MORC1: variants seen among roughly 807,000 people sequenced by gnomAD.
MORC1 encodes the protein MORC family CW-type zinc finger 1.
A neutral mutation model predicts 134.9 loss-of-function variants in MORC1; 59 were observed. That is an observed-to-expected ratio of 0.44 (90% CI 0.35 to 0.54). The LOEUF is 0.54. MORC1 is among the 20% of genes least tolerant of loss of function. MORC1 has a pLI of 0.00. For missense variants in MORC1, 947 were observed against 1,134.5 expected (o/e 0.83, Z 2.37); for synonymous variants, 395 against 391.7 (o/e 1.01, Z -0.10).
At chr3:108,996,575 T>C (rs1319312464) in intron 21 of MORC1, among the ~76,000 whole-genome samples, 1 of 152,212 alleles carries the variant, frequency 6.6e-6, no homozygotes, top group Non-Finnish European at 1.5e-5. Flanking sequence ...AGAAAATGCC[T>C]GGAGCTTTAA....
intron 17 of MORC1, among the ~76,000 whole-genome samples, chr3:109,018,055 A>G (rs1033634659): frequency 6.6e-6 from 1 of 152,150 alleles, no homozygotes; most frequent in Non-Finnish European, 1.5e-5. Context: ...CACCAGACCA[A>G]GAGATTCTTG....
At chr3:109,117,429 T>C (rs1951297516) in intron 1 of MORC1, among the ~76,000 whole-genome samples, 1 of 151,116 alleles carries the variant, frequency 6.6e-6, no homozygotes, top group African/African-American at 2.4e-5. Flanking sequence ...GTATGGGAAA[T>C]GGCAGATGAG....
chr3:109,051,823 C>T (rs3804677), intron 14 of MORC1, among the ~76,000 whole-genome samples: 18,071 of 151,830 alleles, frequency 0.12, 1,157 homozygotes, highest in Non-Finnish European at 0.14. Flanking sequence ...GGAGTGGGGG[C>T]TAGCAAATGA....
At position 109,093,453 on chromosome 3, in the gene MORC1, C is replaced by T. The variant is rs774339312; in HGVS notation, c.672G>A (p.Met224Ile). The change falls in exon 8 of 28, where the codon ATG (methionine) becomes ATA (isoleucine). Residue 224 changes from methionine (M) to isoleucine (I), a missense_variant. Physicochemically the swap from Met to Ile is conservative, Grantham distance 10 (BLOSUM62 1). This residue lies in a region of MORC1 where 214 missense variants were observed against 281.3 expected (regional missense o/e 0.76). Transcript: ENST00000232603. The part of the protein sequence containing the change: ...DVKTDKEDIL[M>I]AGALEDFPAR... The stretch of plus-strand genomic sequence containing the variant: ...ACACATACTCCTCCAGAGCTCCAGC[C>T]ATCAGTATATCTTCTTTGTCAGTTT... 6.2e-7 allele frequency: 1 copy of T among 1,612,908 alleles called. No homozygotes were observed. Among genetic ancestry groups the T allele is most frequent in the Admixed American group, 1.7e-5 (1 of 59,988 alleles).
intron 21 of MORC1, among the ~76,000 whole-genome samples, chr3:108,996,846 T>A (rs977437541): frequency 6.6e-6 from 1 of 151,336 alleles, no homozygotes; most frequent in Non-Finnish European, 1.5e-5. Flanking sequence ...CTGTGTCTAC[T>A]AAAAATAAAA....
At position 109,108,658 on chromosome 3, in the gene MORC1, G is replaced by A. The variant is rs143726774; in HGVS notation, c.154+2091C>T. On this transcript the variant is annotated intron_variant, in intron 3 of 27. Coordinates refer to ENST00000232603, the MANE Select transcript of MORC1 (RefSeq NM_014429.4). ...CAAGCCTGTAATGCCAGCACTTTGC[G>A]AGGCCGAGGCGGGCGGATCACAAGG... Among the ~76,000 whole-genome samples, 255 of 152,240 alleles carry A rather than the reference G, an allele frequency of 1.7e-3. 4 individuals carry two copies. In the East Asian group the frequency reaches 0.036, roughly 21 times the overall value.
At chr3:109,013,772 T>C (rs1948753890) in intron 17 of MORC1, among the ~76,000 whole-genome samples, 2 of 152,192 alleles carry the variant, frequency 1.3e-5, no homozygotes. Context: ...TAATCTGCAA[T>C]GCAACAGTGT....
chr3:109,089,812 C>G lies in MORC1; in HGVS notation c.689+3624G>C, dbSNP rs931752656. Among the ~76,000 whole-genome samples, 5 of 152,210 alleles carry G rather than the reference C, an allele frequency of 3.3e-5. No individual in the cohort carries two copies. The South Asian group carries it at 1.0e-3, about 32-fold the overall frequency. On this transcript the variant is annotated intron_variant, in intron 8 of 27. Transcript: ENST00000232603. ...ACTGTTCAGTATTCTTGTCATTACC[C>G]CCACCCTTTGTTTCAAACTCTTGAT...
At chr3:109,106,272 T>C (rs1258282227) in intron 3 of MORC1, among the ~76,000 whole-genome samples, 1 of 152,224 alleles carries the variant, frequency 6.6e-6, no homozygotes, top group African/African-American at 2.4e-5. Context: ...TTTGTAAATA[T>C]TTCTCCTAGA....
intron 3 of MORC1, chr3:109,109,728 G>A (rs546167426): frequency 6.6e-6 from 1 of 152,278 alleles, no homozygotes; most frequent in Non-Finnish European, 1.5e-5. Flanking sequence ...GAATAAACTG[G>A]GGAGGCTCAG....
At position 108,963,400 on chromosome 3, in the gene MORC1, A is replaced by G; in HGVS notation, c.2799+14T>C. 6.2e-7 allele frequency: 1 copy of G among 1,604,416 alleles called. No homozygotes were observed. The highest frequency in any genetic ancestry group is 8.5e-7 in the Non-Finnish European group (1 of 1,176,208). Reference sequence around the variant, plus strand: ...AGTCTACTCCTACTGCTCAAATACAACTTTTTCACTCACCAGTTGGAGTTT... The same window carrying G: ...AGTCTACTCCTACTGCTCAAATACAGCTTTTTCACTCACCAGTTGGAGTTT... On this transcript the variant is annotated intron_variant, in intron 27 of 27. Coordinates refer to ENST00000232603, the MANE Select transcript of MORC1 (RefSeq NM_014429.4).
chr3:109,079,066 C>T (rs1382721660), intron 8 of MORC1, among the ~76,000 whole-genome samples: 2 of 151,976 alleles, frequency 1.3e-5, no homozygotes, highest in Non-Finnish European at 2.9e-5. Context: ...ACTCACTTTA[C>T]GTAAACTCTT....
intron 6 of MORC1, among the ~76,000 whole-genome samples, chr3:109,097,931 T>C (rs897631655): frequency 6.6e-6 from 1 of 152,050 alleles, no homozygotes; most frequent in Non-Finnish European, 1.5e-5. Flanking sequence ...GATTATATGA[T>C]AGAAGCAGAG....
chr3:109,082,005 A>C (rs1950529227), intron 8 of MORC1, among the ~76,000 whole-genome samples: 1 of 152,066 alleles, frequency 6.6e-6, no homozygotes, highest in South Asian at 2.1e-4. Flanking sequence ...CAGCCCTGGA[A>C]ACTGTGCTAG....
intron 16 of MORC1, among the ~76,000 whole-genome samples, chr3:109,030,154 T>C (rs943840502): frequency 2.0e-5 from 3 of 152,190 alleles, no homozygotes; most frequent in Non-Finnish European, 2.9e-5. Context: ...TTTCTGTAAA[T>C]ATAGACAATG....
chr3:108,988,304 A>T (rs1178551401), intron 21 of MORC1, among the ~76,000 whole-genome samples: 1 of 152,196 alleles, frequency 6.6e-6, no homozygotes, highest in East Asian at 1.9e-4. Flanking sequence ...AGGGGAAAAT[A>T]AATAAGACTA....
intron 25 of MORC1, 69 bp downstream of exon 25, chr3:108,971,261 T>C: frequency 4.9e-6 from 7 of 1,419,390 alleles, no homozygotes; most frequent in Middle Eastern, 1.8e-4. Context: ...GGAAACACTT[T>C]ACATTTTTCT....
intron 18 of MORC1, among the ~76,000 whole-genome samples, chr3:109,005,687 T>C (rs1165918773): frequency 6.6e-6 from 1 of 152,218 alleles, no homozygotes; most frequent in East Asian, 1.9e-4. Context: ...TGCCCCTTGC[T>C]AGCTGCTACT....
At chr3:109,054,234 T>C (rs1433964919) in intron 14 of MORC1, among the ~76,000 whole-genome samples, 1 of 151,444 alleles carries the variant, frequency 6.6e-6, no homozygotes, top group Admixed American at 6.6e-5. Flanking sequence ...TGAGCCGAGA[T>C]TGCATCACTG....
Sources: gnomAD v4.1 joint callset for allele counts (sites outside exome capture counted in the v4.1 genomes callset) on GRCh38, gnomAD v4.1.1 for gene constraint, gnomAD v4.1.1 regional missense constraint, MANE v1.5 for transcripts, NCBI Gene and HGNC (gene_info 2026-07-23, HGNC 2026-07-21) for gene names.